The following PTBP2 variants were observed in gnomAD, a reference collection of about 807,000 sequenced individuals.
The protein encoded by PTBP2 is polypyrimidine tract binding protein 2.
Under a neutral mutation model 61.4 loss-of-function variants are expected in PTBP2, and 13 were observed. The ratio of observed to expected loss-of-function variants is 0.21; its 90% CI spans 0.14 to 0.34. The LOEUF (loss-of-function observed/expected upper bound fraction) is 0.34, where lower values mean the gene tolerates loss of function less well. Ranked by LOEUF, PTBP2 falls within the 10% of genes least tolerant of loss-of-function variation. PTBP2 has a pLI of 1.00. For synonymous variants in PTBP2, 215 were observed against 218.5 expected (o/e 0.98, Z 0.14); for missense variants, 405 against 642.6 (o/e 0.63, Z 4.00).
chr1:96,808,042 A>AT (rs1448310333), intron 11 of PTBP2, among the ~76,000 whole-genome samples: 17 of 151,906 alleles, frequency 1.1e-4, no homozygotes, highest in African/African-American at 1.9e-4. Flanking sequence ...CAAATATGTC[A>AT]TTTTTTTCCC....
At chr1:96,797,423 C>A (rs1218348611) in intron 8 of PTBP2, among the ~76,000 whole-genome samples, 1 of 152,106 alleles carries the variant, frequency 6.6e-6, no homozygotes, top group Non-Finnish European at 1.5e-5. Context: ...AAAATAAGAA[C>A]TCAAGGGAAG....
At chr1:96,808,170 G>T (rs1225508569) in intron 11 of PTBP2, among the ~76,000 whole-genome samples, 2 of 150,832 alleles carry the variant, frequency 1.3e-5, no homozygotes, top group African/African-American at 2.5e-5. Context: ...TTTGTTTTAT[G>T]TAAAGACTGT....
At chr1:96,788,969 C>T (rs1422686029) in intron 8 of PTBP2, among the ~76,000 whole-genome samples, 1 of 151,992 alleles carries the variant, frequency 6.6e-6, no homozygotes, top group East Asian at 1.9e-4. Flanking sequence ...GACTATTAGT[C>T]ATTCACATAT....
chr1:96,762,167 C>CT (rs1217636962), intron 3 of PTBP2, among the ~76,000 whole-genome samples: 1 of 151,002 alleles, frequency 6.6e-6, no homozygotes, highest in Admixed American at 6.6e-5. Context: ...ATTTCTCAAT[C>CT]TTTTCCCCAC....
At chr1:96,768,077 T>C (rs779151296) in intron 3 of PTBP2, among the ~76,000 whole-genome samples, 6 of 152,078 alleles carry the variant, frequency 3.9e-5, no homozygotes, top group Non-Finnish European at 8.8e-5. Flanking sequence ...CCTTCTCTGA[T>C]CATCCAATAA....
At chr1:96,748,688 A>G (rs1193473812) in intron 2 of PTBP2, among the ~76,000 whole-genome samples, 1 of 152,184 alleles carries the variant, frequency 6.6e-6, no homozygotes, top group Non-Finnish European at 1.5e-5. Context: ...ATTCTTTAGT[A>G]TTTTGATTCT....
Position 96,729,304 on chromosome 1 carries a change from G to A in PTBP2, c.39+5710G>A, listed in dbSNP as rs147208723. ...CCCAAAGTGTTAAGATTACAGGCGTGAGCCACCACCCCCAGCCTATGCCAT... is the reference window on the plus strand; with the variant it reads ...CCCAAAGTGTTAAGATTACAGGCGTAAGCCACCACCCCCAGCCTATGCCAT... On this transcript the variant is annotated intron_variant, in intron 2 of 13. Transcript: ENST00000674951. Among the ~76,000 whole-genome samples, 3 of 152,270 alleles carry A rather than the reference G, an allele frequency of 2.0e-5. No homozygotes were observed. The East Asian group carries it at 5.8e-4, about 29-fold the overall frequency.
chr1:96,737,128 T>C (rs547859219), intron 2 of PTBP2, among the ~76,000 whole-genome samples: 39 of 152,090 alleles, frequency 2.6e-4, no homozygotes, highest in East Asian at 1.2e-3. Flanking sequence ...TACAGGCGCC[T>C]GCCACCACAC....
intron 8 of PTBP2, among the ~76,000 whole-genome samples, chr1:96,786,927 C>G (rs2101080287): frequency 6.6e-6 from 1 of 152,230 alleles, no homozygotes; most frequent in East Asian, 1.9e-4. Context: ...GGGTGGGAGG[C>G]TTGGTTAGAA....
At chr1:96,723,681 T>C in intron 2 of PTBP2, 87 bp downstream of exon 2, 1 of 1,185,038 alleles carries the variant, frequency 8.4e-7, no homozygotes, top group East Asian at 2.4e-5. Context: ...TTGAAAACTA[T>C]AACGTAGCTA....
At chr1:96,748,436 A>ATT (rs34168312) in intron 2 of PTBP2, among the ~76,000 whole-genome samples, 5 of 151,398 alleles carry the variant, frequency 3.3e-5, no homozygotes, top group African/African-American at 4.8e-5. Context: ...GCTTTTGCAC[A>ATT]TTTTTTTTTA....
chr1:96,806,503 A>G (rs1661506384), intron 10 of PTBP2, 51 bp downstream of exon 10: 2 of 1,542,616 alleles, frequency 1.3e-6, no homozygotes, highest in East Asian at 4.5e-5. Context: ...TTTTTGTTTC[A>G]CCTTAATTCT....
chr1:96,812,944 A>G lies in PTBP2; in HGVS notation c.1388+16A>G. On this transcript the variant is annotated intron_variant, in intron 12 of 13. Transcript: ENST00000674951. Reference sequence around the variant, plus strand: ...CTAATATCCCGTAAGTATATAAGCTAGAGTGTATTGAGATACATTCTATTT... The same window carrying G: ...CTAATATCCCGTAAGTATATAAGCTGGAGTGTATTGAGATACATTCTATTT... 1 of 1,598,838 alleles carries G rather than the reference A, an allele frequency of 6.3e-7. No homozygotes were observed. Among genetic ancestry groups the G allele is most frequent in the African/African-American group, 1.3e-5 (1 of 74,670 alleles).
intron 3 of PTBP2, among the ~76,000 whole-genome samples, chr1:96,761,606 A>G (rs1655880526): frequency 1.3e-5 from 2 of 152,144 alleles, no homozygotes; most frequent in South Asian, 4.1e-4. Context: ...GAATAATATT[A>G]AAGAGTTTTG....
At chr1:96,757,074 C>T (rs1033537945) in intron 3 of PTBP2, among the ~76,000 whole-genome samples, 1 of 152,184 alleles carries the variant, frequency 6.6e-6, no homozygotes, top group African/African-American at 2.4e-5. Context: ...TGTACCTAAA[C>T]TTACTCTGAA....
intron 2 of PTBP2, among the ~76,000 whole-genome samples, chr1:96,734,099 G>A (rs1048822533): frequency 1.3e-5 from 2 of 152,086 alleles, no homozygotes; most frequent in Admixed American, 6.6e-5. Context: ...AAGTTATCAC[G>A]AGATTTTTTT....
chr1:96,799,799 T>G (rs555705480), intron 8 of PTBP2, among the ~76,000 whole-genome samples: 1 of 152,302 alleles, frequency 6.6e-6, no homozygotes, highest in East Asian at 1.9e-4. Context: ...ATTATATAAA[T>G]AGTGCATCAT....
At chr1:96,723,992 A>G (rs1650017640) in intron 2 of PTBP2, among the ~76,000 whole-genome samples, 1 of 152,182 alleles carries the variant, frequency 6.6e-6, no homozygotes, top group African/African-American at 2.4e-5. Flanking sequence ...GAAAATGAAT[A>G]TATTTTGGTT....
intron 3 of PTBP2, among the ~76,000 whole-genome samples, chr1:96,766,025 C>T (rs770163109): frequency 2.6e-5 from 4 of 152,064 alleles, no homozygotes; most frequent in Non-Finnish European, 5.9e-5. Context: ...TGCCGACACC[C>T]ATTTATGTAA....
Sources: allele counts gnomAD v4.1 joint callset (sites outside exome capture counted in the v4.1 genomes callset), GRCh38; gene constraint gnomAD v4.1.1; transcripts MANE v1.5; gene names NCBI Gene and HGNC (gene_info 2026-07-23, HGNC 2026-07-21).